The following SREBF1 variants were observed in gnomAD, a reference collection of about 807,000 sequenced individuals.
SREBF1 encodes sterol regulatory element-binding protein 1.
Under a neutral mutation model 100.1 loss-of-function variants are expected in SREBF1, and 45 were observed. The observed-to-expected ratio is 0.45, with a 90% CI of 0.35 to 0.58. SREBF1 has a LOEUF of 0.58. Among genes scored for constraint, SREBF1 ranks in the 20% least tolerant of loss-of-function variants. The pLI, the probability that SREBF1 is intolerant of heterozygous loss-of-function variation, is 0.00. For synonymous variants in SREBF1, 657 were observed against 681.8 expected (o/e 0.96, Z 0.57); for missense variants, 1,324 against 1,539.4 (o/e 0.86, Z 2.34).
Position 17,819,161 on chromosome 17 carries a change from C to T in SREBF1, c.920G>A (p.Arg307Gln), listed in dbSNP as rs777441484. ...CGGGGCCTTGCTGCCAGCTGCGAGC[C>T]GGTTGATAGGCAGCTTCTCCGCATC... ...VVDAEKLPIN[R>Q]LAAGSKAPAS... Residue 307 changes from arginine (R) to glutamine (Q), a missense_variant, in exon 5 of 19, where the codon CGG (arginine) becomes CAG (glutamine). By Grantham distance (43) the Arg-to-Gln change is conservative. Coordinates refer to ENST00000261646, the MANE Select transcript of SREBF1 (RefSeq NM_004176.5). 7.4e-6 allele frequency: 12 copies of T among 1,614,064 alleles called. No homozygotes were observed. The highest frequency in any genetic ancestry group is 2.7e-5 in the African/African-American group (2 of 74,946).
chr17:17,823,553 C>G (rs776507816), intron 1 of SREBF1: 2 of 1,613,528 alleles, frequency 1.2e-6, no homozygotes, highest in Non-Finnish European at 1.7e-6. Context: ...GCGATCTGCG[C>G]CCGCCCTTGG....
In SREBF1 at chr17:17,817,086, T is replaced by C. The variant is rs1259586683; in HGVS notation, c.1657A>G (p.Asn553Asp). The change falls in exon 9 of 19, where the codon AAT (asparagine) becomes GAT (aspartate). Residue 553 changes from asparagine (N) to aspartate (D), a missense_variant. By Grantham distance (23) the Asn-to-Asp change is conservative. Transcript: ENST00000261646. The surrounding 1 kb of genome is among the most constrained non-coding windows in gnomAD (Gnocchi z 6.6). ...WLLPPVVWLL[N>D]GLLVLVSLVL... ...AAGGAGACGAGCACCAACAGCCCATTGAGCAGCCAGACCACTGGGGGCAGC... is the reference window on the plus strand; with the variant it reads ...AAGGAGACGAGCACCAACAGCCCATCGAGCAGCCAGACCACTGGGGGCAGC... 1.9e-6 allele frequency: 3 copies of C among 1,612,838 alleles called. No individual in the cohort carries two copies. The South Asian group carries it at 3.3e-5, about 18-fold the overall frequency.
At position 17,812,430 on chromosome 17, in the gene SREBF1, G is replaced by T. The variant is rs2032977437; in HGVS notation, c.*192C>A. 7.6e-6 allele frequency: 5 copies of T among 662,050 alleles called. No homozygotes were observed. In the Admixed American group the frequency reaches 1.1e-4, roughly 15 times the overall value. The allele number at this position is 662,050 out of a possible 1,614,324, so 41.0% of individuals were successfully genotyped here. A position where few individuals can be genotyped will look rare whatever the true frequency, so the allele number is the denominator to read the frequency against. ...GGCCACCAGAGGTCAGCACCATCAT[G>T]GCCGCCGGTCTTAGGGTCAAGATCG... On this transcript the variant is annotated 3_prime_UTR_variant, in exon 19 of 19. Transcript: ENST00000261646.
rs2143010070 is a variant in SREBF1, at chr17:17,813,735, A to G, written c.2936T>C (p.Val979Ala). ...VQLFLCDLLL[V>A]VRTSLWRQQQ... is the part of the protein sequence containing the mutation. ...CTGCCGCCACAGGCTGGTGCGCACC[A>G]CAAGAAGCAGGTCACACAGGAACAG... is the stretch of plus-strand genomic sequence containing the variant. The change falls in exon 17 of 19, where the codon GTG becomes GCG. Residue 979 changes from valine to alanine, a missense_variant. Transcript: ENST00000261646. 2.0e-6 allele frequency: 3 copies of G among 1,535,732 alleles called. No individual in the cohort carries two copies. The highest frequency in any genetic ancestry group is 4.9e-5 in the East Asian group (2 of 40,924).
At chr17:17,814,474 C>T (rs2033321294) in intron 15 of SREBF1, 64 bp from the exon 16 acceptor site, 6 of 1,543,698 alleles carry the variant, frequency 3.9e-6, no homozygotes, top group Non-Finnish European at 4.4e-6. Context: ...TGAGTGCCCC[C>T]CACTTCCCTG....
At chr17:17,815,115 C>G in intron 13 of SREBF1, 106 bp downstream of exon 13, 1 of 1,282,650 alleles carries the variant, frequency 7.8e-7, no homozygotes, top group East Asian at 2.3e-5. Context: ...GTGCATGGCA[C>G]GCACGGTAGC....
At position 17,824,774 on chromosome 17, in the gene SREBF1, T is replaced by C. The variant is rs951043244; in HGVS notation, c.92-4253A>G. Among the ~76,000 whole-genome samples, 4 of 152,224 alleles carry C rather than the reference T, an allele frequency of 2.6e-5. No individual in the cohort carries two copies. Among genetic ancestry groups the C allele is most frequent in the East Asian group, 1.9e-4 (1 of 5,174 alleles). On this transcript the variant is annotated intron_variant, in intron 1 of 18. Coordinates refer to ENST00000261646, the MANE Select transcript of SREBF1 (RefSeq NM_004176.5). This position sits in a 1 kb window ranked among gnomAD's most constrained non-coding sequence, Gnocchi z 4.2. ...GCAGACCCAGCGACTCAGCAGTCCATTGGGGGCTGGGGTCCCTGCGGCCTC... is the reference window on the plus strand; with the variant it reads ...GCAGACCCAGCGACTCAGCAGTCCACTGGGGGCTGGGGTCCCTGCGGCCTC...
intron 2 of SREBF1, 169 bp downstream of exon 2, chr17:17,819,921 C>G (rs956834550): frequency 1.7e-6 from 2 of 1,143,492 alleles, no homozygotes; most frequent in African/African-American, 3.1e-5. Context: ...GCGCCTACCC[C>G]GGCAACAAGC....
At position 17,812,315 on chromosome 17, in the gene SREBF1, C is replaced by A; in HGVS notation, c.*307G>T. ...ACAGGGAAATGTACCCCTCTCTTCC[C>A]TGTACACAGGAGGAAAAAAGCCACT... is the stretch of plus-strand genomic sequence containing the variant. On this transcript the variant is annotated 3_prime_UTR_variant, in exon 19 of 19. Transcript: ENST00000261646. 1.9e-6 allele frequency: 1 copy of A among 520,706 alleles called. No individual in the cohort carries two copies. Among genetic ancestry groups the A allele is most frequent in the Non-Finnish European group, 3.4e-6 (1 of 290,214 alleles). 32.3% of individuals were successfully genotyped at this position (520,706 alleles called of 1,614,324 possible).
At position 17,817,586 on chromosome 17, in the gene SREBF1, TTCTG is replaced by T; in HGVS notation, c.1404+106_1404+109del. On this transcript the variant is annotated intron_variant, in intron 7 of 18. Coordinates refer to ENST00000261646, the MANE Select transcript of SREBF1 (RefSeq NM_004176.5). This position sits in a 1 kb window ranked among gnomAD's most constrained non-coding sequence, Gnocchi z 6.6. Reference sequence around the variant, plus strand: ...CCCACGTGGCTCCAGGCCTCAGTTATTCTGTCTATGAAATGGGAGGTAGGATCTG... The same window carrying T: ...CCCACGTGGCTCCAGGCCTCAGTTATTCTATGAAATGGGAGGTAGGATCTG... 5 of 1,540,024 alleles carry T rather than the reference TTCTG, an allele frequency of 3.2e-6. No individual in the cohort carries two copies. The highest frequency in any genetic ancestry group is 4.4e-6 in the Non-Finnish European group (5 of 1,128,738).
chr17:17,825,303 C>G (rs1173386310), intron 1 of SREBF1, among the ~76,000 whole-genome samples: 1 of 152,202 alleles, frequency 6.6e-6, no homozygotes, highest in Non-Finnish European at 1.5e-5. Context: ...TCTTCCTGCT[C>G]TAACCCCCTC....
chr17:17,833,308 C>T (rs940952196), intron 1 of SREBF1, among the ~76,000 whole-genome samples: 2 of 149,702 alleles, frequency 1.3e-5, no homozygotes, highest in Non-Finnish European at 3.0e-5. Flanking sequence ...CCTGTAATCC[C>T]AGCTACTCGG....
intron 1 of SREBF1, among the ~76,000 whole-genome samples, chr17:17,832,637 G>T (rs887835302): frequency 7.2e-5 from 11 of 152,166 alleles, no homozygotes; most frequent in Admixed American, 1.3e-4. Flanking sequence ...ACTGGCCTCA[G>T]TGGCCAGGCA....
Position 17,812,643 on chromosome 17 carries a change from C to G in SREBF1, c.3423G>C (p.Gly1141=), listed in dbSNP as rs2033010536. Residue 1141 remains glycine (G), a synonymous_variant, in exon 19 of 19, where the codon GGG becomes GGC. Transcript: ENST00000261646. ...GGGTCTAGCTGGAAGTGACAGTGGT[C>G]CCACCGCCCAGGCGCATGAGCATCT... ...CQQMLMRLGG[G]TTVTSS The G allele has an allele frequency of 2.5e-6, 4 of 1,606,672 alleles. No individual in the cohort carries two copies. The highest frequency in any genetic ancestry group is 2.2e-5 in the East Asian group (1 of 44,646).
chr17:17,815,355 G>C, intron 12 of SREBF1, 26 bp from the exon 13 acceptor site: 2 of 1,590,578 alleles, frequency 1.3e-6, no homozygotes. Flanking sequence ...GGTGAGTGGG[G>C]TGGGGAGCAG....
chr17:17,812,976 T>G, intron 18 of SREBF1, 125 bp from the exon 19 acceptor site: 1 of 912,352 alleles, frequency 1.1e-6, no homozygotes. Flanking sequence ...GGCGGGGGCC[T>G]GGCGGGTTCC....
intron 1 of SREBF1, among the ~76,000 whole-genome samples, chr17:17,823,072 A>G (rs1448416418): frequency 6.6e-6 from 1 of 152,238 alleles, no homozygotes; most frequent in Non-Finnish European, 1.5e-5. Flanking sequence ...CTGAGGCCTG[A>G]AAGAAAAACT....
rs2033770151 is a variant in SREBF1 at position 17,817,944 on chromosome 17, AG to A, written c.1184-29del. ...GTGGGCCGAAAGGAACAGAGCCAGG[AG>A]TAAAGGCTGGATATGTGACCCCAAA... is the stretch of plus-strand genomic sequence containing the variant. On this transcript the variant is annotated intron_variant, in intron 6 of 18. Coordinates refer to ENST00000261646, the MANE Select transcript of SREBF1 (RefSeq NM_004176.5). The surrounding 1 kb of genome is among the most constrained non-coding windows in gnomAD (Gnocchi z 6.6). 1.9e-6 allele frequency: 3 copies of A among 1,596,770 alleles called. No homozygotes were observed. Among genetic ancestry groups the A allele is most frequent in the Non-Finnish European group, 2.5e-6 (3 of 1,177,456 alleles).
At chr17:17,831,647 A>G (rs1242601220) in intron 1 of SREBF1, among the ~76,000 whole-genome samples, 1 of 152,154 alleles carries the variant, frequency 6.6e-6, no homozygotes, top group African/African-American at 2.4e-5. Flanking sequence ...GGAGGTGAAG[A>G]CTGCCACGGG....
Sources: gnomAD v4.1 joint callset for allele counts (sites outside exome capture counted in the v4.1 genomes callset) on GRCh38, gnomAD v4.1.1 for gene constraint, Gnocchi (gnomAD v3.1) non-coding constraint, MANE v1.5 for transcripts, NCBI Gene and HGNC (gene_info 2026-07-23, HGNC 2026-07-21) for gene names.